MGRN1: variants seen among roughly 807,000 people sequenced by gnomAD.
MGRN1 encodes the protein E3 ubiquitin-protein ligase MGRN1.
A neutral mutation model predicts 69.2 loss-of-function variants in MGRN1; 29 were observed. The observed-to-expected ratio is 0.42, with a 90% CI of 0.31 to 0.57. The LOEUF is 0.57. Ranked by LOEUF, MGRN1 falls within the 20% of genes least tolerant of loss-of-function variation. The probability of loss-of-function intolerance (pLI) is 0.15; values close to 1 mark genes in which losing one functional copy is unlikely to be tolerated. For missense variants in MGRN1, 998 were observed against 796.2 expected (o/e 1.25, Z -3.05); for synonymous variants, 470 against 344.2 (o/e 1.37, Z -4.04).
intron 5 of MGRN1, among the ~76,000 whole-genome samples, chr16:4,663,392 AC>A (rs2078729688): frequency 4.6e-4 from 3 of 6,506 alleles, no homozygotes; most frequent in Non-Finnish European, 9.2e-4. Flanking sequence ...TTTTTTTTTT[AC>A]ACCTTTATTG....
chr16:4,676,399 G>C (rs950044316), intron 10 of MGRN1, among the ~76,000 whole-genome samples: 1 of 152,226 alleles, frequency 6.6e-6, no homozygotes, highest in African/African-American at 2.4e-5. Context: ...AGATACAGCA[G>C]GGCTGCTTTC....
chr16:4,663,378 T>TG (rs1381343666), intron 5 of MGRN1, among the ~76,000 whole-genome samples: 14 of 135,064 alleles, frequency 1.0e-4, no homozygotes, highest in African/African-American at 3.0e-4. Flanking sequence ...TTTTTTTTTT[T>TG]TTTTTTTTTT....
At chr16:4,653,565 T>A (rs1476184721) in intron 4 of MGRN1, among the ~76,000 whole-genome samples, 1 of 152,224 alleles carries the variant, frequency 6.6e-6, no homozygotes, top group East Asian at 1.9e-4. Flanking sequence ...CTTGGCTCAC[T>A]GCAACCTCCG....
intron 5 of MGRN1, among the ~76,000 whole-genome samples, chr16:4,661,292 C>G (rs1027125986): frequency 6.6e-6 from 1 of 152,188 alleles, no homozygotes; most frequent in Non-Finnish European, 1.5e-5. Flanking sequence ...CAGTCTGCAG[C>G]TTTCTGATGT....
intron 5 of MGRN1, chr16:4,664,070 C>T (rs1055250682): frequency 1.3e-5 from 2 of 153,026 alleles, no homozygotes; most frequent in African/African-American, 2.4e-5. Flanking sequence ...CAGGCAGACA[C>T]TTGCGCACCG....
At chr16:4,666,672 C>T (rs548297392) in intron 7 of MGRN1, among the ~76,000 whole-genome samples, 1 of 152,348 alleles carries the variant, frequency 6.6e-6, no homozygotes, top group East Asian at 1.9e-4. Context: ...TGGCACATGT[C>T]ACAGACCCCC....
Position 4,688,633 on chromosome 16 carries a change from G to A in MGRN1, c.1619-163G>A, listed in dbSNP as rs555633222. The A allele has an allele frequency of 5.5e-5, 78 of 1,408,200 alleles. No homozygotes were observed. In the South Asian group the frequency reaches 1.2e-3, roughly 21 times the overall value. The allele number at this position is 1,408,200 out of a possible 1,614,324, so 87.2% of individuals were successfully genotyped here. Reference sequence around the variant, plus strand: ...TTTGGCACAGTTAGGGAGTCCCCGGGCCCTTGGTGTGCTCACATCTGAGTG... The same window carrying A: ...TTTGGCACAGTTAGGGAGTCCCCGGACCCTTGGTGTGCTCACATCTGAGTG... On this transcript the variant is annotated intron_variant, in intron 16 of 16. Coordinates refer to ENST00000262370, the MANE Select transcript of MGRN1 (RefSeq NM_015246.4).
chr16:4,632,265 C>T (rs1898048166), intron 1 of MGRN1, among the ~76,000 whole-genome samples: 1 of 150,818 alleles, frequency 6.6e-6, no homozygotes, highest in Non-Finnish European at 1.5e-5. Flanking sequence ...CCGCCTACCT[C>T]AGCCTCCGGA....
intron 8 of MGRN1, among the ~76,000 whole-genome samples, chr16:4,671,101 G>C (rs925397156): frequency 6.6e-6 from 1 of 152,134 alleles, no homozygotes; most frequent in Non-Finnish European, 1.5e-5. Flanking sequence ...GAGCCAAGTG[G>C]TGTTGGGGGT....
Position 4,665,164 on chromosome 16 carries a change from TG to T in MGRN1, c.678+15del. 6.2e-7 allele frequency: 1 copy of T among 1,614,156 alleles called. No individual in the cohort carries two copies. The highest frequency in any genetic ancestry group is 8.5e-7 in the Non-Finnish European group (1 of 1,180,014). ...TGCCTTTGAAAAGGTAAGTGCCATC[TG>T]GCCATCACTTTCCCGGGGACCTGGG... On this transcript the variant is annotated intron_variant, in intron 7 of 16. Transcript: ENST00000262370.
chr16:4,676,503 G>A (rs1306137427), intron 10 of MGRN1, among the ~76,000 whole-genome samples: 3 of 152,222 alleles, frequency 2.0e-5, no homozygotes, highest in Non-Finnish European at 2.9e-5. Flanking sequence ...CAGAGCTCCC[G>A]TGTGGCTTTG....
intron 1 of MGRN1, among the ~76,000 whole-genome samples, chr16:4,631,465 C>T (rs1897996675): frequency 6.6e-6 from 1 of 152,214 alleles, no homozygotes; most frequent in Non-Finnish European, 1.5e-5. Flanking sequence ...GACATTTGGC[C>T]ATGTCTGGAG....
chr16:4,646,091 T>A (rs1408577379), intron 1 of MGRN1, among the ~76,000 whole-genome samples: 1 of 151,412 alleles, frequency 6.6e-6, no homozygotes, highest in African/African-American at 2.5e-5. Flanking sequence ...AGGGTCGGGA[T>A]TGGGAGCGGC....
intron 1 of MGRN1, among the ~76,000 whole-genome samples, chr16:4,646,414 C>A (rs372094281): frequency 6.7e-6 from 1 of 150,174 alleles, no homozygotes; most frequent in African/African-American, 2.5e-5. Context: ...CAGAGCAAGA[C>A]CCTGTCTCAA....
intron 8 of MGRN1, chr16:4,669,169 A>G (rs1054505811): frequency 3.3e-5 from 5 of 152,216 alleles, no homozygotes; most frequent in African/African-American, 1.2e-4. Context: ...CGCAGTGGCT[A>G]ACGCCTGTAA....
intron 5 of MGRN1, among the ~76,000 whole-genome samples, chr16:4,658,052 A>T (rs1422350803): frequency 6.7e-6 from 1 of 150,122 alleles, no homozygotes; most frequent in Non-Finnish European, 1.5e-5. Flanking sequence ...ATTGCTGCAG[A>T]CCTCTTTTAA....
intron 9 of MGRN1, among the ~76,000 whole-genome samples, chr16:4,672,974 A>G (rs1013099476): frequency 6.6e-6 from 1 of 151,954 alleles, no homozygotes; most frequent in Non-Finnish European, 1.5e-5. Flanking sequence ...GAGTAGCTGG[A>G]ACTACAAGCA....
At chr16:4,637,774 C>T (rs1482129750) in intron 1 of MGRN1, among the ~76,000 whole-genome samples, 5 of 152,228 alleles carry the variant, frequency 3.3e-5, no homozygotes, top group African/African-American at 1.2e-4. Flanking sequence ...TGCCGTCGTC[C>T]CTGGTCCCAT....
intron 1 of MGRN1, among the ~76,000 whole-genome samples, chr16:4,632,884 A>G (rs1189362013): frequency 6.6e-6 from 1 of 152,018 alleles, no homozygotes; most frequent in Non-Finnish European, 1.5e-5. Context: ...GAAGTTTGAG[A>G]CCACCCTGGG....
Sources: gnomAD v4.1 joint callset for allele counts (sites outside exome capture counted in the v4.1 genomes callset) on GRCh38, gnomAD v4.1.1 for gene constraint, MANE v1.5 for transcripts, NCBI Gene and HGNC (gene_info 2026-07-23, HGNC 2026-07-21) for gene names.